Variants in ROBO1 observed in about 807,000 individuals in gnomAD.
ROBO1 encodes the protein roundabout guidance receptor 1.
ROBO1 carries 149 observed loss-of-function variants against 195.9 expected under a neutral mutation model. The ratio of observed to expected loss-of-function variants is 0.76; its 90% CI spans 0.67 to 0.87. The LOEUF (loss-of-function observed/expected upper bound fraction) is 0.87, where lower values mean the gene tolerates loss of function less well. ROBO1 is among the 40% of genes least tolerant of loss of function. The probability of loss-of-function intolerance (pLI) is 0.00; values close to 1 mark genes in which losing one functional copy is unlikely to be tolerated. For synonymous variants in ROBO1, 816 were observed against 733.2 expected, an observed-to-expected ratio of 1.11 and a Z score of -1.82; for missense variants, 1,933 against 2,068.3, an observed-to-expected ratio of 0.93 and a Z score of 1.27.
chr3:79,295,043 T>C (rs1033077085), intron 2 of ROBO1, among the ~76,000 whole-genome samples: 17 of 152,186 alleles, frequency 1.1e-4, no homozygotes, highest in Non-Finnish European at 4.4e-5. Context: ...AGTGTGGTAA[T>C]TCCTCAAGGA....
At chr3:79,689,366 C>G (rs1947233160) in intron 1 of ROBO1, among the ~76,000 whole-genome samples, 2 of 151,988 alleles carry the variant, frequency 1.3e-5, no homozygotes, top group South Asian at 4.1e-4. Flanking sequence ...GAAACAAACG[C>G]TGGGTGCCAA....
chr3:78,693,417 A>G (rs768192085), intron 8 of ROBO1: 8 of 1,203,534 alleles, frequency 6.6e-6, no homozygotes, highest in Non-Finnish European at 9.5e-6. Flanking sequence ...ATAAAATGAA[A>G]CAGAAAAGTA....
chr3:79,001,860 C>A (rs907550296), intron 3 of ROBO1, among the ~76,000 whole-genome samples: 1 of 151,844 alleles, frequency 6.6e-6, no homozygotes, highest in African/African-American at 2.4e-5. Context: ...TAAGGATAAG[C>A]AAAATATTAG....
intron 1 of ROBO1, among the ~76,000 whole-genome samples, chr3:79,750,105 G>C (rs1023863443): frequency 2.6e-5 from 4 of 152,238 alleles, no homozygotes; most frequent in Non-Finnish European, 5.9e-5. Flanking sequence ...CACGACTCTT[G>C]CATCAGCATG....
intron 4 of ROBO1, among the ~76,000 whole-genome samples, chr3:78,868,589 C>T (rs1052538055): frequency 2.0e-5 from 3 of 152,014 alleles, no homozygotes; most frequent in African/African-American, 7.2e-5. Flanking sequence ...AAGGCACTAG[C>T]CAAAGGTAGA....
rs201342860 is a variant in ROBO1, at chr3:78,627,380, C to T, written c.3816G>A (p.Gln1272=). ...CCTCTGGACAATCCTGTAACATGGG[C>T]TGGAGTTCTTCCTGTGGGGAGGGAG... ...TLTPSPQEEL[Q]PMLQDCPEET... The change falls in exon 26 of 31, where the codon CAG becomes CAA. Residue 1272 remains glutamine (Q), a synonymous_variant. Transcript: ENST00000464233. 1.2e-6 allele frequency: 2 copies of T among 1,612,416 alleles called. No individual in the cohort carries two copies. The highest frequency in any genetic ancestry group is 1.3e-5 in the African/African-American group (1 of 74,900).
chr3:79,570,895 T>G (rs1943256166), intron 2 of ROBO1, among the ~76,000 whole-genome samples: 2 of 152,134 alleles, frequency 1.3e-5, no homozygotes, highest in African/African-American at 2.4e-5. Context: ...AATAAGTGAG[T>G]ACTCTGGCCT....
At position 79,754,018 on chromosome 3, in the gene ROBO1, T is replaced by G. The variant is rs576676644; in HGVS notation, c.-51+13734A>C. 2.0e-5 allele frequency among the ~76,000 whole-genome samples: 3 copies of G among 152,242 alleles called. No homozygotes were observed. The South Asian group carries it at 6.2e-4, about 32-fold the overall frequency. On this transcript the variant is annotated intron_variant, in intron 1 of 30. Transcript: ENST00000464233. ...ACACTATTTCATAAAGTTTGGTTTT[T>G]AAGGGTGCGGGTGGTCTAAGGATAC...
chr3:79,578,405 T>C (rs1943561340), intron 2 of ROBO1, among the ~76,000 whole-genome samples: 1 of 152,206 alleles, frequency 6.6e-6, no homozygotes, highest in African/African-American at 2.4e-5. Flanking sequence ...TGCTGGTTGA[T>C]TAAGGAGTAA....
intron 2 of ROBO1, among the ~76,000 whole-genome samples, chr3:79,466,753 A>G (rs897035369): frequency 1.3e-5 from 2 of 152,210 alleles, no homozygotes; most frequent in Non-Finnish European, 2.9e-5. Context: ...TCACTTAAAA[A>G]TGATTTATTA....
chr3:79,383,166 CAAAGTT>C (rs1158450369), intron 2 of ROBO1, among the ~76,000 whole-genome samples: 2 of 152,018 alleles, frequency 1.3e-5, no homozygotes, highest in Non-Finnish European at 2.9e-5. Flanking sequence ...CCTTTTAAAT[CAAAGTT>C]AAAGTATGCA....
At chr3:79,332,900 A>T (rs865826066) in intron 2 of ROBO1, among the ~76,000 whole-genome samples, 3 of 152,178 alleles carry the variant, frequency 2.0e-5, no homozygotes, top group Non-Finnish European at 4.4e-5. Flanking sequence ...AAAATAAATA[A>T]TAAAATATCA....
intron 2 of ROBO1, among the ~76,000 whole-genome samples, chr3:79,298,941 T>C (rs1164746036): frequency 6.6e-6 from 1 of 152,114 alleles, no homozygotes; most frequent in Non-Finnish European, 1.5e-5. Flanking sequence ...TCAAACACAT[T>C]TAATATAATG....
rs745359127 is a variant in ROBO1 at position 79,509,720 on chromosome 3, GT to G, written c.88+80103del. On this transcript the variant is annotated intron_variant, in intron 2 of 30. Coordinates refer to ENST00000464233, the MANE Select transcript of ROBO1 (RefSeq NM_002941.4). ...CTCAATACATCTTGGTTTCTGAAAG[GT>G]ACTGCAGCTTCATGAATAATGTCAG... Among the ~76,000 whole-genome samples the G allele has an allele frequency of 2.5e-4, 38 of 152,102 alleles. 1 individual carries two copies. Among genetic ancestry groups the G allele is most frequent in the East Asian group, 1.7e-3 (9 of 5,182 alleles).
chr3:79,735,106 A>G (rs886647592), intron 1 of ROBO1, among the ~76,000 whole-genome samples: 3 of 152,200 alleles, frequency 2.0e-5, no homozygotes, highest in Admixed American at 6.5e-5. Flanking sequence ...GCATAGGCGG[A>G]TGGATCCATA....
chr3:78,671,194 T>C (rs773763012), intron 10 of ROBO1, among the ~76,000 whole-genome samples: 3 of 152,138 alleles, frequency 2.0e-5, no homozygotes, highest in Admixed American at 6.6e-5. Flanking sequence ...CATGAAGTCT[T>C]TTTTAGGGGA....
intron 1 of ROBO1, among the ~76,000 whole-genome samples, chr3:79,655,245 A>T (rs1946125754): frequency 6.6e-6 from 1 of 152,086 alleles, no homozygotes; most frequent in Non-Finnish European, 1.5e-5. Context: ...TTGTTATCAT[A>T]TTATGAATAA....
chr3:79,047,690 T>C (rs1019410677), intron 3 of ROBO1, among the ~76,000 whole-genome samples: 12 of 152,124 alleles, frequency 7.9e-5, no homozygotes, highest in African/African-American at 2.9e-4. Context: ...TAATAGTATG[T>C]CATGTGTCAC....
chr3:79,263,747 G>A (rs1164815723), intron 2 of ROBO1, among the ~76,000 whole-genome samples: 2 of 151,924 alleles, frequency 1.3e-5, no homozygotes, highest in Non-Finnish European at 2.9e-5. Flanking sequence ...CTTGCTTCTT[G>A]ATTGCCTTAT....
Sources: gnomAD v4.1 joint callset for allele counts (sites outside exome capture counted in the v4.1 genomes callset) on GRCh38, gnomAD v4.1.1 for gene constraint, MANE v1.5 for transcripts, NCBI Gene and HGNC (gene_info 2026-07-23, HGNC 2026-07-21) for gene names.